Variants in RSRC2 observed in about 807,000 individuals in gnomAD.
The protein encoded by RSRC2 is arginine and serine rich coiled-coil 2, also known as arginine/serine-rich coiled-coil protein 2.
RSRC2 carries 5 observed loss-of-function variants against 61.3 expected under a neutral mutation model. The observed-to-expected ratio is 0.08, with a 90% CI of 0.04 to 0.17. The LOEUF is 0.17. Ranked by LOEUF, RSRC2 falls within the 10% of genes least tolerant of loss-of-function variation. RSRC2 has a pLI of 1.00. For missense variants in RSRC2, 381 were observed against 518.8 expected (o/e 0.73, Z 2.58); for synonymous variants, 202 against 166.5 (o/e 1.21, Z -1.64).
chr12:122,518,320 C>T (rs950334720), intron 4 of RSRC2, among the ~76,000 whole-genome samples: 4 of 151,754 alleles, frequency 2.6e-5, no homozygotes, highest in African/African-American at 4.8e-5. Flanking sequence ...AGGCTGGGCA[C>T]GGTGGCTCAC....
intron 6 of RSRC2, among the ~76,000 whole-genome samples, chr12:122,513,229 A>G (rs1332321950): frequency 2.1e-5 from 2 of 95,898 alleles, no homozygotes; most frequent in Non-Finnish European, 4.8e-5. Context: ...ATAAATAAAT[A>G]AATAAATAAA....
rs1960576347 is a variant in RSRC2 at position 122,526,747 on chromosome 12, T to A, written c.6+101A>T. 5 of 1,385,428 alleles carry A rather than the reference T, an allele frequency of 3.6e-6. No individual in the cohort carries two copies. In the Admixed American group the frequency reaches 6.8e-5, roughly 19 times the overall value. The allele number at this position is 1,385,428 out of a possible 1,614,324, so 85.8% of individuals were successfully genotyped here. On this transcript the variant is annotated intron_variant, in intron 1 of 9. Transcript: ENST00000331738. ...AGAAGAAGGCCGCGGCGCCATTTTG[T>A]CTACACACATACACACGAACAAGGT...
Position 122,503,518 on chromosome 12 carries a change from C to T in RSRC2, c.*2009G>A, listed in dbSNP as rs1373739773. 6.6e-6 allele frequency: 1 copy of T among 152,216 alleles called. No individual in the cohort carries two copies. The highest frequency in any genetic ancestry group is 1.5e-5 in the Non-Finnish European group (1 of 68,034). The allele number at this position is 152,216 out of a possible 1,614,324, so 9.4% of individuals were successfully genotyped here. On this transcript the variant is annotated 3_prime_UTR_variant, in exon 10 of 10. Transcript: ENST00000331738. ...GATGAGCAAAGTACAGGCTGTATCA[C>T]TCATCATGTATGGTCAGCTCCTAAA...
Position 122,520,217 on chromosome 12 carries a change from G to GT in RSRC2, c.207+1167dup. On this transcript the variant is annotated intron_variant, in intron 3 of 9. Transcript: ENST00000331738. ...GATGATTTATCTGAAAATGATCATA[G>GT]TACATAATTTATTATTTGCAGAAAA... is the stretch of plus-strand genomic sequence containing the variant. 1.9e-5 allele frequency: 5 copies of GT among 257,410 alleles called. No individual in the cohort carries two copies. In the Middle Eastern group the frequency reaches 7.8e-3, roughly 403 times the overall value. The allele number at this position is 257,410 out of a possible 1,614,324, so 15.9% of individuals were successfully genotyped here. A position where few individuals can be genotyped will look rare whatever the true frequency, so the allele number is the denominator to read the frequency against.
At chr12:122,520,314 T>A (rs1488686678) in intron 3 of RSRC2, 1 of 335,636 alleles carries the variant, frequency 3.0e-6, no homozygotes, top group Non-Finnish European at 5.8e-6. Flanking sequence ...GAAAAGAAAT[T>A]TTCCTTGGTT....
chr12:122,526,698 G>C, intron 1 of RSRC2, 150 bp downstream of exon 1: 1 of 802,338 alleles, frequency 1.2e-6, no homozygotes, highest in Non-Finnish European at 2.1e-6. Flanking sequence ...CCTCCCTACA[G>C]CAGGCAGCCA....
At chr12:122,506,510 C>T (rs1052436059) in intron 9 of RSRC2, 22 of 216,042 alleles carry the variant, frequency 1.0e-4, no homozygotes, top group African/African-American at 4.1e-4. Context: ...TTTGAGAGGC[C>T]GAGGTGGAAG....
At chr12:122,513,325 T>G (rs1958674388) in intron 6 of RSRC2, among the ~76,000 whole-genome samples, 1 of 151,648 alleles carries the variant, frequency 6.6e-6, no homozygotes, top group East Asian at 1.9e-4. Flanking sequence ...AATCCTGACC[T>G]TTAAGCCAAA....
chr12:122,511,656 C>CA (rs1297685012), intron 6 of RSRC2, among the ~76,000 whole-genome samples: 4 of 152,050 alleles, frequency 2.6e-5, no homozygotes, highest in African/African-American at 7.2e-5. Context: ...ATCAAAAAGC[C>CA]AAAACTAAAA....
At chr12:122,525,689 G>A (rs1310451657) in intron 1 of RSRC2, among the ~76,000 whole-genome samples, 1 of 151,978 alleles carries the variant, frequency 6.6e-6, no homozygotes, top group Non-Finnish European at 1.5e-5. Context: ...ATAAAAATGA[G>A]GTAAGCACAA....
At chr12:122,515,077 G>A in intron 6 of RSRC2, 28 bp downstream of exon 6, 2 of 1,602,558 alleles carry the variant, frequency 1.2e-6, no homozygotes, top group Non-Finnish European at 1.7e-6. Context: ...AGGCGAACTG[G>A]AACAAATGAA....
At chr12:122,507,669 A>G (rs1379820887) in intron 8 of RSRC2, among the ~76,000 whole-genome samples, 2 of 151,534 alleles carry the variant, frequency 1.3e-5, no homozygotes, top group African/African-American at 2.4e-5. Flanking sequence ...ATAGCTTATT[A>G]TAAGTTTTTT....
intron 5 of RSRC2, among the ~76,000 whole-genome samples, chr12:122,516,042 T>C (rs934910502): frequency 1.3e-5 from 2 of 151,964 alleles, no homozygotes; most frequent in African/African-American, 4.8e-5. Context: ...TAAAAAAAAA[T>C]TTCTTAATTG....
chr12:122,513,164 C>T (rs1233614990), intron 6 of RSRC2, among the ~76,000 whole-genome samples: 3 of 150,850 alleles, frequency 2.0e-5, no homozygotes, highest in Admixed American at 6.6e-5. Flanking sequence ...TCCTGCACTC[C>T]AGCCTGGGCA....
intron 5 of RSRC2, 46 bp downstream of exon 5, chr12:122,517,179 ACT>A: frequency 1.9e-6 from 3 of 1,609,766 alleles, no homozygotes; most frequent in Non-Finnish European, 1.7e-6. Context: ...AGATAAACAG[ACT>A]CTCTGAGGGT....
At chr12:122,525,801 G>GTTTTTTTTTTTT (rs1169838098) in intron 1 of RSRC2, among the ~76,000 whole-genome samples, 1 of 21,498 alleles carries the variant, frequency 4.7e-5, no homozygotes, top group African/African-American at 3.7e-4. Flanking sequence ...TCAACGAAGA[G>GTTTTTTTTTTTT]TTTTTTTTTT....
In RSRC2 at chr12:122,523,992, G is replaced by A. The variant is rs925448519; in HGVS notation, c.7-1693C>T. On this transcript the variant is annotated intron_variant, in intron 1 of 9. Transcript: ENST00000331738. ...AGAACAGTAAGAAATTAACTACCAG[G>A]GAGGCTCTCATGCCAGCATATTGTA... Among the ~76,000 whole-genome samples, 8 of 152,086 alleles carry A rather than the reference G, an allele frequency of 5.3e-5. No individual in the cohort carries two copies. The East Asian group carries it at 1.5e-3, about 29-fold the overall frequency.
rs9988963 is a variant in RSRC2, at chr12:122,506,931, C to G, written c.1036-8G>C. On this transcript the variant is annotated splice_polypyrimidine_tract_variant and splice_region_variant and intron_variant, in intron 8 of 9. Transcript: ENST00000331738. ...AGCAGATTGGGATTTGTCCTGTTAA[C>G]AAACACTGAACTTTAAAATATGTAA... 1,141,601 of 1,518,240 alleles carry G rather than the reference C, an allele frequency of 0.75. 431,163 individuals are homozygous for G. Among genetic ancestry groups the G allele is most frequent in the African/African-American group, 0.88 (64,224 of 72,898 alleles). The allele number at this position is 1,518,240 out of a possible 1,614,324, so 94.0% of individuals were successfully genotyped here.
In RSRC2 at chr12:122,520,369, T is replaced by C. The variant is rs1329581569; in HGVS notation, c.207+1016A>G. ...TGGAAAAGTCTTAAGTGGTTAAACTTCTAAAGGTTTTAAAGTTTATTTCAA... is the reference window on the plus strand; with the variant it reads ...TGGAAAAGTCTTAAGTGGTTAAACTCCTAAAGGTTTTAAAGTTTATTTCAA... On this transcript the variant is annotated intron_variant, in intron 3 of 9. Coordinates refer to ENST00000331738, the MANE Select transcript of RSRC2 (RefSeq NM_023012.6). 7.9e-6 allele frequency: 4 copies of C among 506,432 alleles called. No individual in the cohort carries two copies. The African/African-American group carries it at 8.2e-5, about 10-fold the overall frequency. The allele number at this position is 506,432 out of a possible 1,614,324, so 31.4% of individuals were successfully genotyped here. A position where few individuals can be genotyped will look rare whatever the true frequency, so the allele number is the denominator to read the frequency against.
Sources: allele counts gnomAD v4.1 joint callset (sites outside exome capture counted in the v4.1 genomes callset), GRCh38; gene constraint gnomAD v4.1.1; transcripts MANE v1.5; gene names NCBI Gene and HGNC (gene_info 2026-07-23, HGNC 2026-07-21).